The following LMTK3 variants were observed in gnomAD, a reference collection of about 807,000 sequenced individuals.
The protein encoded by LMTK3 is lemur tail kinase 3, also known as serine/threonine-protein kinase LMTK3.
LMTK3 carries 27 observed loss-of-function variants against 116.7 expected under a neutral mutation model. The ratio of observed to expected loss-of-function variants is 0.23; its 90% CI spans 0.17 to 0.32. The LOEUF (loss-of-function observed/expected upper bound fraction) is 0.32. Among genes scored for constraint, LMTK3 ranks in the 10% least tolerant of loss-of-function variants. LMTK3 has a pLI of 1.00. For synonymous variants in LMTK3, 965 were observed against 971.0 expected (o/e 0.99, Z 0.11); for missense variants, 1,764 against 2,068.5 (o/e 0.85, Z 2.86).
chr19:48,513,500 C>T, upstream of LMTK3: 1 of 340,682 alleles, frequency 2.9e-6, no homozygotes, highest in South Asian at 3.5e-5. The surrounding 1 kb of genome is among the most constrained non-coding windows in gnomAD (Gnocchi z 5.6). Context: ...CCGCCGCCGT[C>T]TCGGGGTCAC....
rs779491255 is a variant in LMTK3, at chr19:48,497,482, T to G, written c.3587A>C (p.Asp1196Ala). 2 of 1,485,176 alleles carry G rather than the reference T, an allele frequency of 1.3e-6. No homozygotes were observed. The highest frequency in any genetic ancestry group is 1.8e-6 in the Non-Finnish European group (2 of 1,120,226). The allele number at this position is 1,485,176 out of a possible 1,614,324, so 92.0% of individuals were successfully genotyped here. Reference sequence around the variant, plus strand: ...GCCCTTCCTCTCGGGCTTGGGGGGGTCCCCGTCTCCGCTGAGTGCCGTGTC... The same window carrying G: ...GCCCTTCCTCTCGGGCTTGGGGGGGGCCCCGTCTCCGCTGAGTGCCGTGTC... ...GGDTALSGDGDPPKPERKGPE... is the reference protein window; with the variant it reads ...GGDTALSGDGAPPKPERKGPE... The change falls in exon 11 of 15, where the codon GAC (aspartate) becomes GCC (alanine). Residue 1196 changes from aspartate (D) to alanine (A), a missense_variant. Asp to Ala is a moderately radical substitution (Grantham distance 126). Transcript: ENST00000600059. The surrounding 1 kb of genome is among the most constrained non-coding windows in gnomAD (Gnocchi z 5.7).
intron 12 of LMTK3, 81 bp downstream of exon 12, chr19:48,493,613 T>TC (rs1468246477): frequency 8.0e-7 from 1 of 1,252,886 alleles, no homozygotes; most frequent in Admixed American, 2.9e-5. Context: ...AAGCTCGGCC[T>TC]CCCGCCAGGC....
rs550348635 is a variant in LMTK3 at position 48,491,596 on chromosome 19, C to T, written c.4093-57G>A. 1.5e-5 allele frequency: 19 copies of T among 1,281,424 alleles called. No homozygotes were observed. The highest frequency in any genetic ancestry group is 2.9e-5 in the South Asian group (1 of 34,722). The allele number at this position is 1,281,424 out of a possible 1,614,324, so 79.4% of individuals were successfully genotyped here. On this transcript the variant is annotated intron_variant, in intron 12 of 14. Coordinates refer to ENST00000600059, the MANE Select transcript of LMTK3 (RefSeq NM_001388485.1). The surrounding 1 kb of genome is among the most constrained non-coding windows in gnomAD (Gnocchi z 5.1). The stretch of plus-strand genomic sequence containing the variant: ...GGACAAACCTTCACGTCCCATTTAC[C>T]GCATCCCCCAAAAGCAACAAAACCG...
chr19:48,502,672 G>A (rs1199021093), intron 6 of LMTK3, 91 bp from the exon 7 acceptor site: 1 of 1,401,650 alleles, frequency 7.1e-7, no homozygotes, highest in Non-Finnish European at 9.6e-7. Context: ...GCTGTCACTG[G>A]GTAGCCCCTC....
chr19:48,497,836 G>A lies in LMTK3; in HGVS notation c.3233C>T (p.Ala1078Val), dbSNP rs1035943251. The A allele has an allele frequency of 1.4e-6, 2 of 1,411,888 alleles. No homozygotes were observed. The highest frequency in any genetic ancestry group is 1.8e-6 in the Non-Finnish European group (2 of 1,088,650). The allele number at this position is 1,411,888 out of a possible 1,614,324, so 87.5% of individuals were successfully genotyped here. ...GETAPGPLGPAPKNGTLEPGT... is the reference protein window; with the variant it reads ...GETAPGPLGPVPKNGTLEPGT... The stretch of plus-strand genomic sequence containing the variant: ...GGGTTCCAGCGTCCCGTTCTTGGGG[G>A]CTGGGCCAAGGGGGCCAGGGGCTGT... The change falls in exon 11 of 15, where the codon GCC (alanine) becomes GTC (valine). Residue 1078 changes from alanine to valine, a missense_variant. Coordinates refer to ENST00000600059, the MANE Select transcript of LMTK3 (RefSeq NM_001388485.1). This position sits in a 1 kb window ranked among gnomAD's most constrained non-coding sequence, Gnocchi z 5.7.
At position 48,510,549 on chromosome 19, in the gene LMTK3, A is replaced by G; in HGVS notation, c.120T>C (p.Ala40=). Residue 40 remains alanine (A), a synonymous_variant, in exon 2 of 15, where the codon GCT becomes GCC. Coordinates refer to ENST00000600059, the MANE Select transcript of LMTK3 (RefSeq NM_001388485.1). ...LGRAPLAPPY[A]VVLISCSGLL... is the part of the protein sequence containing the mutation. ...GGCCGGAGCAGGAAATGAGGACCAC[A>G]GCGTAGGGAGGAGCCAGAGGAGCCC... is the stretch of plus-strand genomic sequence containing the variant. 6.3e-7 allele frequency: 1 copy of G among 1,599,800 alleles called. No homozygotes were observed. The highest frequency in any genetic ancestry group is 8.5e-7 in the Non-Finnish European group (1 of 1,173,726).
intron 1 of LMTK3, among the ~76,000 whole-genome samples, 176 bp downstream of exon 1, chr19:48,511,325 C>A (rs1451837083): frequency 6.6e-6 from 1 of 151,590 alleles, no homozygotes; most frequent in Non-Finnish European, 1.5e-5. Flanking sequence ...CCCCCAGCCT[C>A]CCTCCCACAG....
Position 48,489,464 on chromosome 19 carries a change from T to C in LMTK3, c.4366+1644A>G, listed in dbSNP as rs139186426. On this transcript the variant is annotated intron_variant, in intron 14 of 14. Transcript: ENST00000600059. ...GGTGGGTGCCTGTAATTCCAGCTACTCAGGAGGCTGAGGCAGGAGAATCGC... is the reference window on the plus strand; with the variant it reads ...GGTGGGTGCCTGTAATTCCAGCTACCCAGGAGGCTGAGGCAGGAGAATCGC... 4.6e-5 allele frequency among the ~76,000 whole-genome samples: 7 copies of C among 152,048 alleles called. No homozygotes were observed. The East Asian group carries it at 1.4e-3, about 29-fold the overall frequency.
rs1391615130 is a variant in LMTK3 at position 48,499,191 on chromosome 19, G to A, written c.1878C>T (p.Ala626=). The A allele has an allele frequency of 2.1e-6, 3 of 1,458,832 alleles. No homozygotes were observed. Among genetic ancestry groups the A allele is most frequent in the East Asian group, 2.6e-5 (1 of 39,054 alleles). 90.4% of individuals were successfully genotyped at this position (1,458,832 alleles called of 1,614,324 possible). The change falls in exon 11 of 15, where the codon GCC becomes GCT. Residue 626 remains alanine, a synonymous_variant. Transcript: ENST00000600059. ...CGGTCCCCCGCTCCCCCAAGACCTC[G>A]GCAGGGTCTCCCGCCAGGGTCTCCC... is the stretch of plus-strand genomic sequence containing the variant. The part of the protein sequence containing the change: ...GAGETLAGDP[A]EVLGERGTAP...
intron 14 of LMTK3, 128 bp from the exon 15 acceptor site, chr19:48,485,917 C>CT: frequency 1.1e-6 from 1 of 879,322 alleles, no homozygotes; most frequent in Non-Finnish European, 1.7e-6. Flanking sequence ...TGTTCCCTCT[C>CT]TGTCCTCACC....
At chr19:48,499,994 C>A in intron 10 of LMTK3, 77 bp from the exon 11 acceptor site, 9 of 1,394,776 alleles carry the variant, frequency 6.5e-6, no homozygotes, top group Non-Finnish European at 7.7e-6. Flanking sequence ...GACAGACAAC[C>A]AGAGAGAGGG....
chr19:48,498,961 G>A lies in LMTK3; in HGVS notation c.2108C>T (p.Pro703Leu). The change falls in exon 11 of 15, where the codon CCC (proline) becomes CTC (leucine). Residue 703 changes from proline (P) to leucine (L), a missense_variant. By Grantham distance (98) the Pro-to-Leu change is moderately conservative. Transcript: ENST00000600059. ...GGHPALGCPH[P>L]PEDDSSLRAE... The stretch of plus-strand genomic sequence containing the variant: ...CCGCAGCGAGGAGTCGTCCTCGGGG[G>A]GGTGGGGGCAGCCAAGAGCAGGGTG... 1 of 1,327,638 alleles carries A rather than the reference G, an allele frequency of 7.5e-7. No homozygotes were observed. The highest frequency in any genetic ancestry group is 9.6e-7 in the Non-Finnish European group (1 of 1,041,510). The allele number at this position is 1,327,638 out of a possible 1,614,324, so 82.2% of individuals were successfully genotyped here.
chr19:48,499,363 G>T lies in LMTK3; in HGVS notation c.1706C>A (p.Ala569Asp). The change falls in exon 11 of 15, where the codon GCC becomes GAC. Residue 569 changes from alanine to aspartate, a missense_variant. Ala to Asp is a moderately radical substitution (Grantham distance 126, BLOSUM62 -2). This residue lies in a region of LMTK3 where 1,028 missense variants were observed against 1,050.6 expected (regional missense o/e 0.98). Transcript: ENST00000600059. The stretch of plus-strand genomic sequence containing the variant: ...GGGGACCTCGGAGGGGGCCTGGGGG[G>T]CCTGAGGGGCGGGCACTCCTGGGTC... Reference protein sequence around the residue: ...PLDPGVPAPQAPQAPSEVPQL... With the variant: ...PLDPGVPAPQDPQAPSEVPQL... 1 of 1,425,096 alleles carries T rather than the reference G, an allele frequency of 7.0e-7. No individual in the cohort carries two copies. 88.3% of individuals were successfully genotyped at this position (1,425,096 alleles called of 1,614,324 possible).
At chr19:48,493,376 G>T (rs1246668465) in intron 12 of LMTK3, among the ~76,000 whole-genome samples, 2 of 58,746 alleles carry the variant, frequency 3.4e-5, no homozygotes, top group African/African-American at 1.7e-4. Context: ...ACTCTAGCTC[G>T]GCCCCGCCCC....
At position 48,493,856 on chromosome 19, in the gene LMTK3, C is replaced by T. The variant is rs1164082432; in HGVS notation, c.3930G>A (p.Pro1310=). ...PRGPGRARAA[P]VPVVVSSADA... is the part of the protein sequence containing the mutation. The stretch of plus-strand genomic sequence containing the variant: ...CGGCGCTGCTCACCACGACGGGCAC[C>T]GGGGCTGCTCGCGCCCTCCCGGGGC... Residue 1310 remains proline, a synonymous_variant, in exon 12 of 15, where the codon CCG becomes CCA. Coordinates refer to ENST00000600059, the MANE Select transcript of LMTK3 (RefSeq NM_001388485.1). 15 of 1,242,130 alleles carry T rather than the reference C, an allele frequency of 1.2e-5. No individual in the cohort carries two copies. Among genetic ancestry groups the T allele is most frequent in the Middle Eastern group, 3.1e-4 (1 of 3,178 alleles). 76.9% of individuals were successfully genotyped at this position (1,242,130 alleles called of 1,614,324 possible).
intron 3 of LMTK3, 41 bp from the exon 4 acceptor site, chr19:48,509,554 C>T: frequency 6.7e-7 from 1 of 1,491,908 alleles, no homozygotes; most frequent in Non-Finnish European, 9.1e-7. Flanking sequence ...GTCTCTCCCC[C>T]TTCCTGAGTG....
chr19:48,498,393 T>G lies in LMTK3; in HGVS notation c.2676A>C (p.Arg892Ser), dbSNP rs1224929389. The change falls in exon 11 of 15, where the codon AGA (arginine) becomes AGC (serine). Residue 892 changes from arginine (R) to serine (S), a missense_variant. This residue lies in a region of LMTK3 where 1,028 missense variants were observed against 1,050.6 expected (regional missense o/e 0.98). Coordinates refer to ENST00000600059, the MANE Select transcript of LMTK3 (RefSeq NM_001388485.1). ...GGACTTTCTCTCTGTTCCCGGGGCC[T>G]CTCCCCGCCTTCCTGGGTCCTGTCT... Reference protein sequence around the residue: ...ARETGPRKAGRGPGNREKVPG... With the variant: ...ARETGPRKAGSGPGNREKVPG... The G allele has an allele frequency of 2.4e-5, 39 of 1,611,756 alleles. No individual in the cohort carries two copies. Among genetic ancestry groups the G allele is most frequent in the Non-Finnish European group, 3.3e-5 (39 of 1,179,208 alleles).
chr19:48,510,175 T>TG lies in LMTK3; in HGVS notation c.211-3dup. On this transcript the variant is annotated splice_polypyrimidine_tract_variant and splice_region_variant and intron_variant, in intron 2 of 14. Coordinates refer to ENST00000600059, the MANE Select transcript of LMTK3 (RefSeq NM_001388485.1). ...CTCCCCTTCAGGGTTCTCAAATTCC[T>TG]GGGGCCAGGAGAGGAGAAGAGGGGT... The TG allele has an allele frequency of 6.2e-7, 1 of 1,610,934 alleles. No individual in the cohort carries two copies. The highest frequency in any genetic ancestry group is 8.5e-7 in the Non-Finnish European group (1 of 1,177,478).
chr19:48,498,739 G>A lies in LMTK3; in HGVS notation c.2330C>T (p.Ala777Val). The A allele has an allele frequency of 3.3e-6, 5 of 1,495,452 alleles. No individual in the cohort carries two copies. In the East Asian group the frequency reaches 1.3e-4, roughly 40 times the overall value. The allele number at this position is 1,495,452 out of a possible 1,614,324, so 92.6% of individuals were successfully genotyped here. A position where few individuals can be genotyped will look rare whatever the true frequency, so the allele number is the denominator to read the frequency against. ...AASPDPPSAV[A>V]SPGSGLSSPG... ...CGACGAGAGGCCTGAACCGGGACTG[G>A]CCACGGCCGAAGGGGGGTCGGGGGA... The change falls in exon 11 of 15, where the codon GCC becomes GTC. Residue 777 changes from alanine (A) to valine (V), a missense_variant. By Grantham distance (64) the Ala-to-Val change is moderately conservative. Transcript: ENST00000600059.
Sources: allele counts gnomAD v4.1 joint callset (sites outside exome capture counted in the v4.1 genomes callset), GRCh38; gene constraint gnomAD v4.1.1; regional missense constraint gnomAD v4.1.1; non-coding constraint Gnocchi (gnomAD v3.1); transcripts MANE v1.5; gene names NCBI Gene and HGNC (gene_info 2026-07-23, HGNC 2026-07-21).